Variants in DOCK4 observed in about 807,000 individuals in gnomAD.
DOCK4 encodes dedicator of cytokinesis 4, also known as dedicator of cytokinesis protein 4.
DOCK4 carries 97 observed loss-of-function variants against 268.1 expected under a neutral mutation model. The ratio of observed to expected loss-of-function variants is 0.36; its 90% CI spans 0.31 to 0.43. The LOEUF (loss-of-function observed/expected upper bound fraction) is 0.43, where lower values mean the gene tolerates loss of function less well. DOCK4 is among the 20% of genes least tolerant of loss of function. DOCK4 has a pLI of 1.00. For synonymous variants in DOCK4, 954 were observed against 887.2 expected (o/e 1.08, Z -1.34); for missense variants, 2,145 against 2,455.7 (o/e 0.87, Z 2.67).
At chr7:112,168,311 C>G (rs1817779252) in intron 1 of DOCK4, among the ~76,000 whole-genome samples, 1 of 152,206 alleles carries the variant, frequency 6.6e-6, no homozygotes. Context: ...CATACCTATT[C>G]TGATATCTGT....
intron 1 of DOCK4, among the ~76,000 whole-genome samples, chr7:112,064,555 A>T (rs568739215): frequency 6.6e-6 from 1 of 152,304 alleles, no homozygotes; most frequent in East Asian, 1.9e-4. Context: ...AGAAAGTAAT[A>T]CAGATTTCCC....
intron 1 of DOCK4, among the ~76,000 whole-genome samples, chr7:112,170,153 A>G (rs1278128213): frequency 1.3e-5 from 2 of 152,190 alleles, no homozygotes; most frequent in Non-Finnish European, 2.9e-5. Context: ...GGCAAGAAAA[A>G]TATTGAAAGA....
At chr7:112,149,466 T>A (rs574300785) in intron 1 of DOCK4, among the ~76,000 whole-genome samples, 27 of 152,056 alleles carry the variant, frequency 1.8e-4, no homozygotes, top group African/African-American at 6.0e-4. Context: ...TACAAGGTCT[T>A]CATAAAATCG....
At chr7:111,879,983 G>C (rs1355989842) in intron 16 of DOCK4, among the ~76,000 whole-genome samples, 2 of 152,134 alleles carry the variant, frequency 1.3e-5, no homozygotes, top group African/African-American at 4.8e-5. Flanking sequence ...TTAAAGAGGA[G>C]GTAGAGAAAG....
chr7:111,792,372 G>C (rs1235849559), intron 30 of DOCK4, among the ~76,000 whole-genome samples: 2 of 152,098 alleles, frequency 1.3e-5, no homozygotes, highest in Non-Finnish European at 2.9e-5. Flanking sequence ...TGACTTTAGA[G>C]GGTTTTTGTT....
At chr7:112,205,654 T>C (rs1344513521) in intron 1 of DOCK4, among the ~76,000 whole-genome samples, 1 of 152,150 alleles carries the variant, frequency 6.6e-6, no homozygotes, top group Non-Finnish European at 1.5e-5. Context: ...GGGGGTGTTC[T>C]CTCTGCCCGA....
chr7:111,744,685 T>TG (rs1796148565), intron 44 of DOCK4, among the ~76,000 whole-genome samples: 2 of 152,330 alleles, frequency 1.3e-5, no homozygotes, highest in South Asian at 4.1e-4. Flanking sequence ...TCTTTAAAAA[T>TG]CAATGAAGGT....
chr7:112,056,994 A>C (rs1026617723), intron 1 of DOCK4, among the ~76,000 whole-genome samples: 3 of 152,192 alleles, frequency 2.0e-5, no homozygotes, highest in African/African-American at 7.2e-5. Flanking sequence ...AAAATTCTTC[A>C]AACTGTATAC....
At chr7:111,741,402 TC>T in intron 46 of DOCK4, 137 bp downstream of exon 46, 1 of 1,404,864 alleles carries the variant, frequency 7.1e-7, no homozygotes, top group Non-Finnish European at 9.7e-7. Context: ...GTGGCAGAGG[TC>T]TGCAGCTGCC....
intron 8 of DOCK4, among the ~76,000 whole-genome samples, chr7:111,952,053 T>A (rs1423353897): frequency 1.4e-5 from 2 of 147,100 alleles, no homozygotes; most frequent in Non-Finnish European, 1.5e-5. Flanking sequence ...AGCCTAGAGG[T>A]CAAGTTCAGT....
chr7:111,901,257 C>T (rs1022904305), intron 14 of DOCK4, among the ~76,000 whole-genome samples: 44 of 146,320 alleles, frequency 3.0e-4, no homozygotes, highest in African/African-American at 1.1e-3. Flanking sequence ...TTGCTTGAAC[C>T]TGGAAGAGGG....
At chr7:111,815,315 T>G (rs1447480477) in intron 27 of DOCK4, among the ~76,000 whole-genome samples, 2 of 152,208 alleles carry the variant, frequency 1.3e-5, no homozygotes, top group Non-Finnish European at 2.9e-5. Flanking sequence ...GAGCTTTCTA[T>G]GGTAACTCAT....
At chr7:112,195,794 T>C (rs1055574311) in intron 1 of DOCK4, among the ~76,000 whole-genome samples, 16 of 152,160 alleles carry the variant, frequency 1.1e-4, no homozygotes, top group African/African-American at 3.6e-4. Context: ...GATAGTCTAA[T>C]AAACAGCAAA....
chr7:111,827,436 C>T (rs1430805580), intron 26 of DOCK4, among the ~76,000 whole-genome samples: 2 of 152,088 alleles, frequency 1.3e-5, no homozygotes, highest in Non-Finnish European at 1.5e-5. Flanking sequence ...GACATGGTCT[C>T]GACTCTCAAT....
intron 42 of DOCK4, among the ~76,000 whole-genome samples, chr7:111,748,067 C>A (rs1452308331): frequency 6.6e-6 from 1 of 152,142 alleles, no homozygotes; most frequent in Non-Finnish European, 1.5e-5. Flanking sequence ...AAATTCCAGG[C>A]TGTATGGAGG....
chr7:111,959,930 A>G (rs546880252), intron 8 of DOCK4, among the ~76,000 whole-genome samples: 1 of 152,308 alleles, frequency 6.6e-6, no homozygotes, highest in East Asian at 1.9e-4. Context: ...TGCACTAGCA[A>G]TTTCAGACGT....
At chr7:112,081,251 G>A (rs553781660) in intron 1 of DOCK4, among the ~76,000 whole-genome samples, 19 of 152,170 alleles carry the variant, frequency 1.2e-4, no homozygotes, top group Non-Finnish European at 2.5e-4. Context: ...CACACAGAAT[G>A]CAGGCAAGCA....
intron 13 of DOCK4, among the ~76,000 whole-genome samples, chr7:111,902,282 C>T (rs141612973): frequency 1.3e-5 from 2 of 152,290 alleles, no homozygotes; most frequent in East Asian, 3.9e-4. Flanking sequence ...ACAAAATGAT[C>T]TCACTGCTGG....
rs56037303 is a variant in DOCK4, at chr7:111,752,578, GTT to G, written c.4416+2935_4416+2936del. The stretch of plus-strand genomic sequence containing the variant: ...ATTAAAAATTTTTTAATCAGCTTAG[GTT>G]TTTTTTTTTTTTTTTTTTTTTTTGA... On this transcript the variant is annotated intron_variant, in intron 42 of 52. Transcript: ENST00000428084. 4.1e-3 allele frequency among the ~76,000 whole-genome samples: 339 copies of G among 82,146 alleles called. 1 individual carries two copies. Among genetic ancestry groups the G allele is most frequent in the African/African-American group, 0.016 (306 of 19,184 alleles). The allele number at this position is 82,146 out of a possible 152,430, so 53.9% of individuals were successfully genotyped here.
Sources: gnomAD v4.1 joint callset for allele counts (sites outside exome capture counted in the v4.1 genomes callset) on GRCh38, gnomAD v4.1.1 for gene constraint, MANE v1.5 for transcripts, NCBI Gene and HGNC (gene_info 2026-07-23, HGNC 2026-07-21) for gene names.